The following RBMS3 variants were observed in gnomAD, a reference collection of about 807,000 sequenced individuals.
The protein encoded by RBMS3 is RNA-binding motif, single-stranded-interacting protein 3.
A neutral mutation model predicts 66.8 loss-of-function variants in RBMS3; 27 were observed. The ratio of observed to expected loss-of-function variants is 0.40; its 90% confidence interval spans 0.30 to 0.56. The LOEUF is 0.56. Ranked by LOEUF, RBMS3 falls within the 20% of genes least tolerant of loss-of-function variation. The pLI is 0.40. For missense variants in RBMS3, 513 were observed against 549.5 expected, an observed-to-expected ratio of 0.93 and a Z score of 0.66; for synonymous variants, 188 against 183.0, an observed-to-expected ratio of 1.03 and a Z score of -0.22.
intron 2 of RBMS3, among the ~76,000 whole-genome samples, chr3:29,441,641 C>G (rs2041623691): frequency 6.6e-6 from 1 of 152,162 alleles, no homozygotes; most frequent in Admixed American, 6.6e-5. Flanking sequence ...CATAGGTTCT[C>G]AGTTCCATGA....
chr3:29,506,108 T>C (rs1241707444), intron 3 of RBMS3, among the ~76,000 whole-genome samples: 1 of 151,912 alleles, frequency 6.6e-6, no homozygotes, highest in East Asian at 1.9e-4. Context: ...GGACGTCCAG[T>C]AATATGTTCA....
chr3:29,758,678 G>A (rs897803798), intron 5 of RBMS3, among the ~76,000 whole-genome samples: 2 of 152,120 alleles, frequency 1.3e-5, no homozygotes, highest in African/African-American at 2.4e-5. Flanking sequence ...AAAATTCATC[G>A]CATTCATTCA....
intron 12 of RBMS3, among the ~76,000 whole-genome samples, chr3:29,974,108 G>A (rs1697400080): frequency 6.6e-6 from 1 of 151,834 alleles, no homozygotes; most frequent in African/African-American, 2.4e-5. Context: ...CCACTATGTT[G>A]ACGGTCTTTA....
At chr3:29,848,868 A>G (rs979725504) in intron 6 of RBMS3, among the ~76,000 whole-genome samples, 3 of 152,208 alleles carry the variant, frequency 2.0e-5, no homozygotes, top group South Asian at 4.1e-4. Flanking sequence ...TAAAACCTAC[A>G]TAAAGAGAAA....
rs199712982 is a variant in RBMS3, at chr3:29,507,191, T to TA, written c.307+18701dup. Among the ~76,000 whole-genome samples, 352 of 150,800 alleles carry TA rather than the reference T, an allele frequency of 2.3e-3. 1 individual carries two copies. The highest frequency in any genetic ancestry group is 7.5e-3 in the African/African-American group (310 of 41,216). On this transcript the variant is annotated intron_variant, in intron 3 of 14. Transcript: ENST00000383767. The stretch of plus-strand genomic sequence containing the variant: ...ATATCTCTTTACTATCAGCTGTATT[T>TA]AAAAAAAAATGAGGTTCTTTTATGA...
At chr3:29,449,477 A>T (rs2041943604) in intron 2 of RBMS3, among the ~76,000 whole-genome samples, 1 of 152,256 alleles carries the variant, frequency 6.6e-6, no homozygotes, top group Non-Finnish European at 1.5e-5. Context: ...TCTTTCTATC[A>T]CTTACTGCCT....
chr3:29,483,326 GAAAA>G (rs2043210669), intron 2 of RBMS3, among the ~76,000 whole-genome samples: 1 of 144,864 alleles, frequency 6.9e-6, no homozygotes. Context: ...AAAAAAAAAA[GAAAA>G]AAGAAAAAGA....
At chr3:29,475,719 A>G (rs1559392953) in intron 2 of RBMS3, among the ~76,000 whole-genome samples, 2 of 152,200 alleles carry the variant, frequency 1.3e-5, no homozygotes, top group African/African-American at 4.8e-5. Flanking sequence ...ATGGGATGTG[A>G]TAGGTGCCTA....
intron 12 of RBMS3, among the ~76,000 whole-genome samples, chr3:29,965,009 A>G (rs2149745160): frequency 6.6e-6 from 1 of 152,266 alleles, no homozygotes; most frequent in South Asian, 2.1e-4. Flanking sequence ...TTAGAATAAT[A>G]GTCTCCAATC....
At chr3:29,421,858 T>G (rs954095037) in intron 1 of RBMS3, among the ~76,000 whole-genome samples, 13 of 152,220 alleles carry the variant, frequency 8.5e-5, no homozygotes, top group Admixed American at 1.3e-4. Context: ...CTTTGTATCA[T>G]GAGATTTTAA....
At chr3:29,388,112 T>C (rs4680723) in intron 1 of RBMS3, among the ~76,000 whole-genome samples, 31,070 of 132,826 alleles carry the variant, frequency 0.23, 3,774 homozygotes, top group East Asian at 0.58. Flanking sequence ...CACACACACA[T>C]GTGTGTGTAT....
At chr3:29,836,731 C>A (rs1576952393) in intron 6 of RBMS3, among the ~76,000 whole-genome samples, 1 of 151,352 alleles carries the variant, frequency 6.6e-6, no homozygotes, top group East Asian at 1.9e-4. Context: ...TAAAATGTAA[C>A]TATGTGAGAG....
intron 10 of RBMS3, among the ~76,000 whole-genome samples, chr3:29,901,806 T>G (rs1344285763): frequency 2.6e-5 from 4 of 151,660 alleles, no homozygotes; most frequent in Non-Finnish European, 5.9e-5. Flanking sequence ...CCTGGAAAAA[T>G]AGAAGTGGCT....
chr3:29,335,552 G>C (rs546794544), intron 1 of RBMS3, among the ~76,000 whole-genome samples: 2 of 152,182 alleles, frequency 1.3e-5, no homozygotes, highest in African/African-American at 4.8e-5. Context: ...GCAGCTCTTT[G>C]CCAAGCAAGT....
chr3:29,430,225 A>C (rs976544359), intron 1 of RBMS3, among the ~76,000 whole-genome samples: 1 of 152,188 alleles, frequency 6.6e-6, no homozygotes, highest in Non-Finnish European at 1.5e-5. Context: ...GATAAATGAA[A>C]TACTAAAGAT....
intron 4 of RBMS3, among the ~76,000 whole-genome samples, chr3:29,712,624 T>A (rs138256006): frequency 2.0e-5 from 3 of 152,168 alleles, no homozygotes; most frequent in African/African-American, 7.2e-5. Context: ...AGATAACATC[T>A]AAATCAGTAG....
At chr3:29,764,496 C>T (rs562113551) in intron 6 of RBMS3, among the ~76,000 whole-genome samples, 9 of 151,734 alleles carry the variant, frequency 5.9e-5, no homozygotes, top group South Asian at 4.2e-4. Flanking sequence ...TTTCATCCAA[C>T]GGATACCTAT....
At chr3:29,523,788 G>A (rs2044963618) in intron 3 of RBMS3, among the ~76,000 whole-genome samples, 2 of 152,030 alleles carry the variant, frequency 1.3e-5, no homozygotes, top group South Asian at 4.2e-4. Flanking sequence ...GGGCTGGAGT[G>A]CAGTGACATA....
At chr3:29,345,726 G>T (rs2036532941) in intron 1 of RBMS3, among the ~76,000 whole-genome samples, 1 of 152,168 alleles carries the variant, frequency 6.6e-6, no homozygotes, top group South Asian at 2.1e-4. Context: ...TGTTTTAAGG[G>T]ACAGACTGAC....
Sources: allele counts gnomAD v4.1 joint callset (sites outside exome capture counted in the v4.1 genomes callset), GRCh38; gene constraint gnomAD v4.1.1; transcripts MANE v1.5; gene names NCBI Gene and HGNC (gene_info 2026-07-23, HGNC 2026-07-21).